The following GATAD2A variants were observed in gnomAD, a reference collection of about 807,000 sequenced individuals.
GATAD2A encodes GATA zinc finger domain containing 2A.
Under a neutral mutation model 68.5 loss-of-function variants are expected in GATAD2A, and 12 were observed. That is an observed-to-expected ratio of 0.18 (90% confidence interval 0.11 to 0.28). The LOEUF is 0.28. Ranked by LOEUF, GATAD2A falls within the 10% of genes least tolerant of loss-of-function variation. The pLI, the probability that GATAD2A is intolerant of heterozygous loss-of-function variation, is 1.00. For missense variants in GATAD2A, 755 were observed against 868.5 expected (o/e 0.87, Z 1.64); for synonymous variants, 410 against 375.3 (o/e 1.09, Z -1.07).
At chr19:19,457,906 C>G (rs767421436) in intron 1 of GATAD2A, among the ~76,000 whole-genome samples, 9 of 152,162 alleles carry the variant, frequency 5.9e-5, no homozygotes, top group Non-Finnish European at 1.2e-4. Context: ...ACATGCCCGT[C>G]TCCAACTCAT....
chr19:19,437,712 G>C (rs2054529250), intron 1 of GATAD2A, among the ~76,000 whole-genome samples: 1 of 152,162 alleles, frequency 6.6e-6, no homozygotes. Flanking sequence ...TCTGCCTTCT[G>C]TTAGCGTGGT....
At chr19:19,498,786 G>C in intron 8 of GATAD2A, 64 bp downstream of exon 8, 2 of 1,419,822 alleles carry the variant, frequency 1.4e-6, no homozygotes, top group South Asian at 2.5e-5. Context: ...TGCCCCGTGG[G>C]TTCTTTCCAA....
intron 2 of GATAD2A, among the ~76,000 whole-genome samples, chr19:19,489,706 C>G (rs912847557): frequency 2.0e-5 from 3 of 152,240 alleles, no homozygotes; most frequent in African/African-American, 7.2e-5. Flanking sequence ...CTGGAAGAAG[C>G]ACACGCCCTC....
intron 2 of GATAD2A, chr19:19,474,199 T>C (rs1025734302): frequency 2.0e-6 from 2 of 980,826 alleles, no homozygotes; most frequent in Admixed American, 1.2e-4. Context: ...AGATGCTTTT[T>C]ACAGGGAAGG....
At chr19:19,400,370 T>C (rs1253642533) in intron 1 of GATAD2A, among the ~76,000 whole-genome samples, 1 of 152,156 alleles carries the variant, frequency 6.6e-6, no homozygotes, top group African/African-American at 2.4e-5. Flanking sequence ...AGAGACGACA[T>C]TCAAAACAAA....
intron 2 of GATAD2A, among the ~76,000 whole-genome samples, chr19:19,484,381 A>G (rs544993061): frequency 2.0e-5 from 3 of 152,152 alleles, no homozygotes; most frequent in African/African-American, 7.2e-5. Context: ...GGCTACATTG[A>G]ACTATGATCA....
intron 7 of GATAD2A, among the ~76,000 whole-genome samples, chr19:19,496,956 C>T (rs533647117): frequency 1.3e-4 from 20 of 152,348 alleles, no homozygotes; most frequent in African/African-American, 4.8e-4. Context: ...TGCCTGCTTT[C>T]GAAGGTCAGG....
At chr19:19,454,733 C>CCCCT (rs2056765513) in intron 1 of GATAD2A, among the ~76,000 whole-genome samples, 1 of 129,046 alleles carries the variant, frequency 7.7e-6, no homozygotes, top group Admixed American at 8.0e-5. Context: ...ACTGTGCCCC[C>CCCCT]CCCCACCCCC....
chr19:19,412,444 C>T (rs1023977433), intron 1 of GATAD2A, among the ~76,000 whole-genome samples: 23 of 151,654 alleles, frequency 1.5e-4, no homozygotes, highest in African/African-American at 4.8e-4. Context: ...CGTGAGCCAC[C>T]GTGCCCGGCC....
chr19:19,431,413 C>G (rs969206216), intron 1 of GATAD2A, among the ~76,000 whole-genome samples: 1 of 151,134 alleles, frequency 6.6e-6, no homozygotes, highest in African/African-American at 2.4e-5. Flanking sequence ...ATTTATTAAG[C>G]GGCTGGGCGC....
intron 2 of GATAD2A, among the ~76,000 whole-genome samples, chr19:19,467,824 G>A (rs1345070524): frequency 6.6e-6 from 1 of 152,190 alleles, no homozygotes; most frequent in Non-Finnish European, 1.5e-5. Context: ...TGTGTATAGT[G>A]TACATATTGC....
At chr19:19,497,056 C>G (rs949331615) in intron 7 of GATAD2A, among the ~76,000 whole-genome samples, 14 of 152,290 alleles carry the variant, frequency 9.2e-5, no homozygotes, top group Middle Eastern at 3.4e-3. Flanking sequence ...TGGAGACAGT[C>G]TTGCTCTGTT....
chr19:19,420,200 T>A, intron 1 of GATAD2A, among the ~76,000 whole-genome samples: 1 of 147,378 alleles, frequency 6.8e-6, no homozygotes, highest in Non-Finnish European at 1.5e-5. Flanking sequence ...TTTTTTTTTT[T>A]TAAGTAGAGA....
intron 1 of GATAD2A, among the ~76,000 whole-genome samples, chr19:19,448,429 C>T (rs141552470): frequency 1.7e-4 from 26 of 152,348 alleles, no homozygotes; most frequent in Admixed American, 7.2e-4. Context: ...TGAGATGTCA[C>T]ACACAGAAAC....
chr19:19,424,698 C>T (rs1199661039), intron 1 of GATAD2A, among the ~76,000 whole-genome samples: 3 of 152,136 alleles, frequency 2.0e-5, no homozygotes, highest in Non-Finnish European at 4.4e-5. Context: ...GACCATGTGA[C>T]ACACCTGTGG....
intron 8 of GATAD2A, 112 bp from the exon 9 acceptor site, chr19:19,501,006 C>A: frequency 2.1e-6 from 2 of 937,370 alleles, no homozygotes; most frequent in South Asian, 1.6e-5. Context: ...TAGGCATTTG[C>A]AGAACGGACA....
rs897099165 is a variant in GATAD2A, at chr19:19,484,532, CT to C, written c.270-7756del. 1.0e-2 allele frequency among the ~76,000 whole-genome samples: 866 copies of C among 86,958 alleles called. 7 individuals carry two copies. Among genetic ancestry groups the C allele is most frequent in the African/African-American group, 0.038 (772 of 20,268 alleles). 57.0% of individuals were successfully genotyped at this position (86,958 alleles called of 152,430 possible). ...TTTTTCTTTTTCTTTTTTTTTTTTT[CT>C]TTTTTTTTTTTTTTTTTGAGACGGA... is the stretch of plus-strand genomic sequence containing the variant. On this transcript the variant is annotated intron_variant, in intron 2 of 11. Coordinates refer to ENST00000683918, the MANE Select transcript of GATAD2A (RefSeq NM_001384528.1).
At chr19:19,401,212 CTTTTTTTT>C (rs1187049852), upstream of GATAD2A, among the ~76,000 whole-genome samples, 1 of 91,828 alleles carries the variant, frequency 1.1e-5, no homozygotes, top group East Asian at 3.9e-4. Context: ...AAAAACTTGG[CTTTTTTTT>C]TTTTTTTTTT....
intron 1 of GATAD2A, among the ~76,000 whole-genome samples, chr19:19,444,929 G>T (rs1041535467): frequency 6.6e-6 from 1 of 150,774 alleles, no homozygotes; most frequent in Non-Finnish European, 1.5e-5. Context: ...ATTTTAGGCA[G>T]TGTAGGGCCT....
Sources: allele counts gnomAD v4.1 joint callset (sites outside exome capture counted in the v4.1 genomes callset), GRCh38; gene constraint gnomAD v4.1.1; transcripts MANE v1.5; gene names NCBI Gene and HGNC (gene_info 2026-07-23, HGNC 2026-07-21).